COL8A2: variants seen among roughly 807,000 people sequenced by gnomAD.
The protein encoded by COL8A2 is collagen alpha-2(VIII) chain.
COL8A2 carries 16 observed loss-of-function variants against 24.0 expected under a neutral mutation model. The ratio of observed to expected loss-of-function variants is 0.67; its 90% CI spans 0.45 to 1.01. COL8A2 has a LOEUF of 1.01. Ranked by LOEUF, COL8A2 falls within the 50% of genes least tolerant of loss-of-function variation. The pLI is 0.00. For missense variants in COL8A2, 818 were observed against 942.4 expected (o/e 0.87, Z 1.73); for synonymous variants, 466 against 424.5 (o/e 1.10, Z -1.20).
Position 36,099,398 on chromosome 1 carries a change from CA to C in COL8A2, c.282del (p.Gly95AlafsTer142), listed in dbSNP as rs1643638882. ...KPGPRGPPGP[P>X]GFPGKPGMGK... ...CCCATGCCTGGTTTTCCTGGGAAGCCAGGGGGGCCAGGGGGACCCCGAGGCC... is the reference window on the plus strand; with the variant it reads ...CCCATGCCTGGTTTTCCTGGGAAGCCGGGGGGCCAGGGGGACCCCGAGGCC... On this transcript the variant is annotated frameshift_variant, in exon 4 of 4. Transcript: ENST00000397799. LOFTEE classifies it low-confidence loss of function (END_TRUNC). The C allele has an allele frequency of 6.4e-7, 1 of 1,555,638 alleles. No homozygotes were observed.
rs551815799 is a variant in COL8A2 at position 36,098,127 on chromosome 1, C to A, written c.1554G>T (p.Thr518=). Residue 518 remains threonine, a synonymous_variant, in exon 4 of 4, where the codon ACG becomes ACT. Transcript: ENST00000397799. The part of the protein sequence containing the change: ...PPGVPGSPGI[T]GPPGPPGPPG... ...GGGGCCCGGGAGGCCCCGGAGGGCCCGTGATTCCAGGGGAGCCAGGGACCC... is the reference window on the plus strand; with the variant it reads ...GGGGCCCGGGAGGCCCCGGAGGGCCAGTGATTCCAGGGGAGCCAGGGACCC... 7.4e-6 allele frequency: 11 copies of A among 1,489,352 alleles called. No homozygotes were observed. In the East Asian group the frequency reaches 2.6e-4, roughly 35 times the overall value. The allele number at this position is 1,489,352 out of a possible 1,614,324, so 92.3% of individuals were successfully genotyped here.
Position 36,115,784 on chromosome 1 carries a change from T to A in COL8A2, c.-61-32A>T, listed in dbSNP as rs12048756. 12,828 of 982,794 alleles carry A rather than the reference T, an allele frequency of 0.013. 877 individuals are homozygous for A. The East Asian group carries it at 0.28, about 21-fold the overall frequency. The allele number at this position is 982,794 out of a possible 1,614,324, so 60.9% of individuals were successfully genotyped here. On this transcript the variant is annotated intron_variant, in intron 1 of 3. Transcript: ENST00000397799. The surrounding 1 kb of genome is among the most constrained non-coding windows in gnomAD (Gnocchi z 5.7). ...ATGAACAAGAGAAACAGTGAGGCTA[T>A]GGGGCAGTGGCTCAAGCTTGTAATC...
At chr1:36,102,430 A>G (rs1643690193) in intron 2 of COL8A2, among the ~76,000 whole-genome samples, 1 of 151,962 alleles carries the variant, frequency 6.6e-6, no homozygotes, top group Non-Finnish European at 1.5e-5. Context: ...CCTCCCAAGT[A>G]GCTGGGACCA....
At chr1:36,109,720 C>G (rs891658317) in intron 2 of COL8A2, among the ~76,000 whole-genome samples, 16 of 151,956 alleles carry the variant, frequency 1.1e-4, no homozygotes, top group African/African-American at 3.9e-4. Context: ...CAGGCACACA[C>G]CACCACGCCC....
chr1:36,114,213 G>A (rs1296451979), intron 2 of COL8A2, among the ~76,000 whole-genome samples: 1 of 151,652 alleles, frequency 6.6e-6, no homozygotes, highest in Non-Finnish European at 1.5e-5. Flanking sequence ...CAGCTACTCG[G>A]GAGGCTGAGG....
At chr1:36,120,804 A>G (rs986099786) in intron 1 of COL8A2, among the ~76,000 whole-genome samples, 14 of 150,482 alleles carry the variant, frequency 9.3e-5, no homozygotes, top group East Asian at 7.8e-4. Flanking sequence ...AGGAAGGAAG[A>G]AAGGCCAGGC....
Position 36,115,853 on chromosome 1 carries a change from G to C in COL8A2, c.-61-101C>G. On this transcript the variant is annotated intron_variant, in intron 1 of 3. Coordinates refer to ENST00000397799, the MANE Select transcript of COL8A2 (RefSeq NM_005202.4). This position sits in a 1 kb window ranked among gnomAD's most constrained non-coding sequence, Gnocchi z 5.7. Reference sequence around the variant, plus strand: ...AAGGTGGGAAGACTGCTTGAGCCCAGGAGTTTGAGACCAGCCTGGGCAACA... The same window carrying C: ...AAGGTGGGAAGACTGCTTGAGCCCACGAGTTTGAGACCAGCCTGGGCAACA... The C allele has an allele frequency of 1.6e-6, 1 of 620,668 alleles. No individual in the cohort carries two copies. The highest frequency in any genetic ancestry group is 8.1e-4 in the Middle Eastern group (1 of 1,240). 38.4% of individuals were successfully genotyped at this position (620,668 alleles called of 1,614,324 possible).
intron 1 of COL8A2, among the ~76,000 whole-genome samples, chr1:36,118,432 G>A (rs1250882169): frequency 1.3e-5 from 2 of 152,230 alleles, no homozygotes; most frequent in African/African-American, 4.8e-5. Flanking sequence ...ACTATCAGGT[G>A]CCTCAGGAGT....
At chr1:36,116,208 C>T (rs1344869338) in intron 1 of COL8A2, among the ~76,000 whole-genome samples, 1 of 152,182 alleles carries the variant, frequency 6.6e-6, no homozygotes, top group Non-Finnish European at 1.5e-5. Flanking sequence ...TCTCTCTTCT[C>T]AGTTCCCTCC....
intron 2 of COL8A2, among the ~76,000 whole-genome samples, chr1:36,101,624 T>G (rs1281890491): frequency 1.3e-5 from 2 of 152,166 alleles, no homozygotes; most frequent in African/African-American, 4.8e-5. Context: ...GTCCACACAA[T>G]AACCTATATG....
At chr1:36,120,225 G>A (rs182621640) in intron 1 of COL8A2, among the ~76,000 whole-genome samples, 7 of 152,282 alleles carry the variant, frequency 4.6e-5, no homozygotes, top group East Asian at 3.9e-4. Flanking sequence ...AGGCTCAGGC[G>A]GGCGGATCAC....
chr1:36,122,527 G>C (rs933602913), intron 1 of COL8A2, among the ~76,000 whole-genome samples: 1 of 152,058 alleles, frequency 6.6e-6, no homozygotes, highest in African/African-American at 2.4e-5. Context: ...CAACTTATCA[G>C]ACCCCAGCGC....
At chr1:36,118,762 A>G (rs1379360944) in intron 1 of COL8A2, among the ~76,000 whole-genome samples, 1 of 150,568 alleles carries the variant, frequency 6.6e-6, no homozygotes, top group South Asian at 2.1e-4. Context: ...CCCCATTCCA[A>G]CTTTCCAGAC....
At chr1:36,102,673 T>TG (rs1553177893) in intron 2 of COL8A2, among the ~76,000 whole-genome samples, 1 of 101,910 alleles carries the variant, frequency 9.8e-6, no homozygotes, top group East Asian at 6.5e-4. Flanking sequence ...GGTTTTTTGT[T>TG]TTTTTTTTTT....
intron 2 of COL8A2, among the ~76,000 whole-genome samples, chr1:36,108,474 G>A (rs749148979): frequency 1.8e-4 from 27 of 152,252 alleles, no homozygotes; most frequent in Non-Finnish European, 3.1e-4. Context: ...CACGGAGCCC[G>A]AGGTGGGACG....
chr1:36,120,760 A>C (rs1277819354), intron 1 of COL8A2, among the ~76,000 whole-genome samples: 1 of 149,968 alleles, frequency 6.7e-6, no homozygotes, highest in Non-Finnish European at 1.5e-5. Context: ...AAAAAAAAAA[A>C]AAAATAGAGA....
At chr1:36,120,942 A>G (rs1339645541) in intron 1 of COL8A2, among the ~76,000 whole-genome samples, 1 of 151,274 alleles carries the variant, frequency 6.6e-6, no homozygotes, top group African/African-American at 2.4e-5. Context: ...TACAAAAATT[A>G]GCCGGGCCTG....
At chr1:36,102,642 G>C (rs1427622087) in intron 2 of COL8A2, among the ~76,000 whole-genome samples, 4 of 144,930 alleles carry the variant, frequency 2.8e-5, no homozygotes, top group African/African-American at 1.0e-4. Context: ...TGTATGATGT[G>C]TGAATTATAT....
At chr1:36,105,819 C>T (rs1352529835) in intron 2 of COL8A2, among the ~76,000 whole-genome samples, 3 of 151,600 alleles carry the variant, frequency 2.0e-5, no homozygotes, top group African/African-American at 4.9e-5. Flanking sequence ...CTTGGTGGCG[C>T]GGGTCTGTAG....
Sources: gnomAD v4.1 joint callset for allele counts (sites outside exome capture counted in the v4.1 genomes callset) on GRCh38, gnomAD v4.1.1 for gene constraint, Gnocchi (gnomAD v3.1) non-coding constraint, MANE v1.5 for transcripts, NCBI Gene and HGNC (gene_info 2026-07-23, HGNC 2026-07-21) for gene names.